The following DAAM1 variants were observed in gnomAD, a reference collection of about 807,000 sequenced individuals.
DAAM1 encodes the protein dishevelled associated activator of morphogenesis 1.
DAAM1 carries 52 observed loss-of-function variants against 130.0 expected under a neutral mutation model. The observed-to-expected ratio is 0.40, with a 90% CI of 0.32 to 0.50. The LOEUF (loss-of-function observed/expected upper bound fraction) is 0.50. Among genes scored for constraint, DAAM1 ranks in the 20% least tolerant of loss-of-function variants. The pLI, the probability that DAAM1 is intolerant of heterozygous loss-of-function variation, is 0.61. For synonymous variants in DAAM1, 452 were observed against 444.5 expected (o/e 1.02, Z -0.21); for missense variants, 1,134 against 1,303.8 (o/e 0.87, Z 2.01).
intron 1 of DAAM1, among the ~76,000 whole-genome samples, chr14:59,244,154 G>C (rs1242691958): frequency 6.6e-6 from 1 of 151,832 alleles, no homozygotes; most frequent in Non-Finnish European, 1.5e-5. Flanking sequence ...ATTCTCTCTT[G>C]CCCGCCACCA....
chr14:59,307,525 T>A (rs1272655217), intron 3 of DAAM1, among the ~76,000 whole-genome samples: 1 of 152,228 alleles, frequency 6.6e-6, no homozygotes, highest in Non-Finnish European at 1.5e-5. Flanking sequence ...GCTAACTGAT[T>A]CTACGTGATC....
intron 15 of DAAM1, chr14:59,338,431 C>T (rs368435240): frequency 2.5e-6 from 4 of 1,612,850 alleles, no homozygotes; most frequent in Non-Finnish European, 3.4e-6. Context: ...GAGCTACTAC[C>T]TAAAGCTTGC....
At position 59,289,890 on chromosome 14, in the gene DAAM1, G is replaced by A. The variant is rs534397868; in HGVS notation, c.184-1327G>A. 5.3e-5 allele frequency among the ~76,000 whole-genome samples: 8 copies of A among 151,722 alleles called. 1 individual carries two copies. The Middle Eastern group carries it at 0.014, about 258-fold the overall frequency. On this transcript the variant is annotated intron_variant, in intron 2 of 24. Transcript: ENST00000360909. Reference sequence around the variant, plus strand: ...AGTGAACCAGCCCAGAACAGAAAACGAAATATCGCATGTTCTCACTTATAA... The same window carrying A: ...AGTGAACCAGCCCAGAACAGAAAACAAAATATCGCATGTTCTCACTTATAA...
At chr14:59,253,845 C>G (rs750098144) in intron 1 of DAAM1, among the ~76,000 whole-genome samples, 1 of 152,164 alleles carries the variant, frequency 6.6e-6, no homozygotes, top group Non-Finnish European at 1.5e-5. Context: ...CAGAGTACCT[C>G]CAGTATCTTC....
chr14:59,359,284 G>A, intron 20 of DAAM1, 113 bp from the exon 21 acceptor site: 1 of 797,334 alleles, frequency 1.3e-6, no homozygotes, highest in Non-Finnish European at 2.0e-6. Context: ...CATTATTGTG[G>A]GTTCTACCAT....
At chr14:59,285,936 A>G (rs533006287) in intron 2 of DAAM1, among the ~76,000 whole-genome samples, 111 of 152,292 alleles carry the variant, frequency 7.3e-4, no homozygotes, top group Middle Eastern at 3.4e-3. Context: ...ATAGACATCT[A>G]CAGAACACTC....
chr14:59,291,278 A>G lies in DAAM1; in HGVS notation c.245A>G (p.Lys82Arg). The change falls in exon 3 of 25, where the codon AAA becomes AGA. Residue 82 changes from lysine (K) to arginine (R), a missense_variant. Lys to Arg is a conservative substitution (Grantham distance 26). This residue lies in a region of DAAM1 where 391 missense variants were observed against 521.6 expected (regional missense o/e 0.75). Coordinates refer to ENST00000360909, the MANE Select transcript of DAAM1 (RefSeq NM_001270520.2). ...EAMFALPAEK[K>R]WQIYCSKKKD... ...ATGTTTGCACTTCCAGCTGAGAAAA[A>G]ATGGCAAATATACTGTAGCAAGAAA... 6.2e-7 allele frequency: 1 copy of G among 1,612,072 alleles called. No homozygotes were observed. The highest frequency in any genetic ancestry group is 1.1e-5 in the South Asian group (1 of 90,376).
intron 1 of DAAM1, among the ~76,000 whole-genome samples, chr14:59,227,616 G>T (rs1285444361): frequency 1.3e-5 from 2 of 152,148 alleles, no homozygotes; most frequent in East Asian, 3.8e-4. Context: ...TCATTATCTC[G>T]ATTATGTGTC....
At chr14:59,266,182 T>G (rs1055854814) in intron 2 of DAAM1, 4 of 150,450 alleles carry the variant, frequency 2.7e-5, no homozygotes, top group African/African-American at 4.9e-5. Context: ...AAAAAAAAAG[T>G]CAACCAAAGG....
intron 1 of DAAM1, among the ~76,000 whole-genome samples, chr14:59,192,677 A>G (rs1887767500): frequency 6.6e-6 from 1 of 152,198 alleles, no homozygotes; most frequent in Admixed American, 6.5e-5. Context: ...TGGTATTACA[A>G]TTTCTAACTT....
In DAAM1 at chr14:59,357,786, A is replaced by G. The variant is rs551782081; in HGVS notation, c.2526-1611A>G. Among the ~76,000 whole-genome samples, 167 of 117,744 alleles carry G rather than the reference A, an allele frequency of 1.4e-3. 4 individuals carry two copies. The South Asian group carries it at 0.021, about 15-fold the overall frequency. 77.2% of individuals were successfully genotyped at this position (117,744 alleles called of 152,430 possible). ...GAGCGAGACTCCATCTCAAAAGAGA[A>G]AAAAAAAAATGAAATGGAAGGATGC... On this transcript the variant is annotated intron_variant, in intron 20 of 24. Coordinates refer to ENST00000360909, the MANE Select transcript of DAAM1 (RefSeq NM_001270520.2).
rs1028678582 is a variant in DAAM1, at chr14:59,347,699, G to T, written c.2160+76G>T. 7.4e-6 allele frequency: 10 copies of T among 1,343,922 alleles called. No homozygotes were observed. The South Asian group carries it at 1.1e-4, about 15-fold the overall frequency. 83.2% of individuals were successfully genotyped at this position (1,343,922 alleles called of 1,614,324 possible). ...GGGAGAGGGATGTTGAGAACATCCG[G>T]TTGTTGCTAGTGGATCATTTCCTCA... On this transcript the variant is annotated intron_variant, in intron 17 of 24. Coordinates refer to ENST00000360909, the MANE Select transcript of DAAM1 (RefSeq NM_001270520.2).
intron 1 of DAAM1, among the ~76,000 whole-genome samples, chr14:59,231,666 T>A (rs191784119): frequency 6.6e-6 from 1 of 152,264 alleles, no homozygotes; most frequent in African/African-American, 2.4e-5. Flanking sequence ...CCTCACTGTA[T>A]AACATGCCAG....
chr14:59,244,638 T>C (rs1341155164), intron 1 of DAAM1, among the ~76,000 whole-genome samples: 2 of 152,174 alleles, frequency 1.3e-5, no homozygotes, highest in African/African-American at 2.4e-5. Flanking sequence ...GAGTGTGTGT[T>C]GGGGGCAGGG....
chr14:59,273,283 A>G (rs1021586287), intron 2 of DAAM1, among the ~76,000 whole-genome samples: 8 of 152,202 alleles, frequency 5.3e-5, no homozygotes. Flanking sequence ...AGGCTGTTAA[A>G]TTTGGACTTC....
In DAAM1 at chr14:59,320,603, G is replaced by A; in HGVS notation, c.440+19G>A. 2.0e-6 allele frequency: 3 copies of A among 1,509,516 alleles called. No homozygotes were observed. Among genetic ancestry groups the A allele is most frequent in the Non-Finnish European group, 1.8e-6 (2 of 1,132,354 alleles). The allele number at this position is 1,509,516 out of a possible 1,614,324, so 93.5% of individuals were successfully genotyped here. A position where few individuals can be genotyped will look rare whatever the true frequency, so the allele number is the denominator to read the frequency against. On this transcript the variant is annotated intron_variant, in intron 5 of 24. Transcript: ENST00000360909. ...CAATGAGGTAATTTTCCCCTGGATGGCATGTTTTTTTTTTTTCTCTCCTTC... is the reference window on the plus strand; with the variant it reads ...CAATGAGGTAATTTTCCCCTGGATGACATGTTTTTTTTTTTTCTCTCCTTC...
intron 1 of DAAM1, among the ~76,000 whole-genome samples, chr14:59,203,498 A>C (rs929427926): frequency 2.0e-5 from 3 of 152,216 alleles, no homozygotes; most frequent in African/African-American, 7.2e-5. Context: ...CCTTAGGGAT[A>C]ATACTACTTT....
At chr14:59,309,605 C>T (rs1375589804) in intron 3 of DAAM1, among the ~76,000 whole-genome samples, 3 of 152,184 alleles carry the variant, frequency 2.0e-5, no homozygotes, top group Non-Finnish European at 1.5e-5. Context: ...CAAGTGTTCT[C>T]TGTGGCTGAT....
In DAAM1 at chr14:59,204,379, A is replaced by G. The variant is rs368914916; in HGVS notation, c.-38+15611A>G. 1.0e-3 allele frequency among the ~76,000 whole-genome samples: 156 copies of G among 152,332 alleles called. 2 individuals carry two copies. The highest frequency in any genetic ancestry group is 3.6e-3 in the African/African-American group (151 of 41,576). On this transcript the variant is annotated intron_variant, in intron 1 of 24. Transcript: ENST00000360909. Reference sequence around the variant, plus strand: ...AGAGGCCACCCACATTCTGTTCCACATGGCCCACATTGGCAGTTCACAGTG... The same window carrying G: ...AGAGGCCACCCACATTCTGTTCCACGTGGCCCACATTGGCAGTTCACAGTG...
Sources: gnomAD v4.1 joint callset for allele counts (sites outside exome capture counted in the v4.1 genomes callset) on GRCh38, gnomAD v4.1.1 for gene constraint, gnomAD v4.1.1 regional missense constraint, MANE v1.5 for transcripts, NCBI Gene and HGNC (gene_info 2026-07-23, HGNC 2026-07-21) for gene names.